Variants in GPATCH8 observed in about 807,000 individuals in gnomAD.
GPATCH8 encodes the protein G patch domain-containing protein 8.
GPATCH8 carries 18 observed loss-of-function variants against 118.3 expected under a neutral mutation model. That is an observed-to-expected ratio of 0.15 (90% CI 0.11 to 0.23). GPATCH8 has a LOEUF of 0.23. Among genes scored for constraint, GPATCH8 ranks in the 10% least tolerant of loss-of-function variants. The probability of loss-of-function intolerance (pLI) is 1.00; values close to 1 mark genes in which losing one functional copy is unlikely to be tolerated. For synonymous variants in GPATCH8, 659 were observed against 684.7 expected, an observed-to-expected ratio of 0.96 and a Z score of 0.59; for missense variants, 1,631 against 1,873.8, an observed-to-expected ratio of 0.87 and a Z score of 2.39.
At chr17:44,401,526 C>A in intron 7 of GPATCH8, 73 bp from the exon 8 acceptor site, 1 of 938,174 alleles carries the variant, frequency 1.1e-6, no homozygotes, top group Admixed American at 1.7e-5. Flanking sequence ...TTATAAAATA[C>A]TAATCTCTTA....
chr17:44,399,167 G>C lies in GPATCH8; in HGVS notation c.2910C>G (p.Ser970Arg). ...SRSSSCSRSR[S>R]KRRSRSTTAH... ...CTGTGGTGCTACGGCTTCTCCGCTT[G>C]CTTCGACTACGACTACAACTGCTGC... Residue 970 changes from serine to arginine, a missense_variant, in exon 8 of 8, where the codon AGC becomes AGG. Ser to Arg is a moderately radical substitution (Grantham distance 110). Around this residue, in one of 8 missense-constraint regions of GPATCH8, gnomAD observed 922 missense variants for 879.7 expected, o/e 1.05. Transcript: ENST00000591680. 6.2e-7 allele frequency: 1 copy of C among 1,610,424 alleles called. No homozygotes were observed. Among genetic ancestry groups the C allele is most frequent in the Non-Finnish European group, 8.5e-7 (1 of 1,176,900 alleles).
chr17:44,433,389 T>C (rs563942628), intron 5 of GPATCH8, among the ~76,000 whole-genome samples: 1 of 152,298 alleles, frequency 6.6e-6, no homozygotes, highest in Admixed American at 6.5e-5. Context: ...GGATGCAGGA[T>C]ATATACTGGC....
At chr17:44,462,512 G>C (rs1199804142) in intron 3 of GPATCH8, among the ~76,000 whole-genome samples, 2 of 152,166 alleles carry the variant, frequency 1.3e-5, no homozygotes, top group Non-Finnish European at 2.9e-5. Context: ...TTTGTAAAGA[G>C]TTCTTGTGCC....
intron 1 of GPATCH8, among the ~76,000 whole-genome samples, chr17:44,500,382 TGTTTGTTA>T (rs1969970215): frequency 6.6e-6 from 1 of 152,228 alleles, no homozygotes; most frequent in African/African-American, 2.4e-5. Context: ...GAATAGGACC[TGTTTGTTA>T]TTATAATAAA....
chr17:44,410,122 A>T (rs1171641734), intron 6 of GPATCH8, among the ~76,000 whole-genome samples: 1 of 152,194 alleles, frequency 6.6e-6, no homozygotes, highest in East Asian at 1.9e-4. Context: ...CCTAAAAAGT[A>T]ATTTTTATAA....
intron 3 of GPATCH8, among the ~76,000 whole-genome samples, chr17:44,455,268 G>A (rs539254043): frequency 2.0e-5 from 3 of 152,252 alleles, no homozygotes; most frequent in Admixed American, 6.5e-5. Context: ...GTGGGAGGCC[G>A]AGGTGGGCAG....
chr17:44,488,007 C>G (rs1395022106), intron 1 of GPATCH8, among the ~76,000 whole-genome samples: 1 of 127,672 alleles, frequency 7.8e-6, no homozygotes, highest in Non-Finnish European at 1.8e-5. Flanking sequence ...ACTGCAACCT[C>G]CGCCTCCTGG....
chr17:44,463,962 T>C (rs1005439326), intron 3 of GPATCH8, among the ~76,000 whole-genome samples: 1 of 152,204 alleles, frequency 6.6e-6, no homozygotes, highest in Non-Finnish European at 1.5e-5. Flanking sequence ...GCTTTCATTT[T>C]ATGTTTCATG....
intron 3 of GPATCH8, 47 bp downstream of exon 3, chr17:44,464,425 T>A (rs1344245018): frequency 9.3e-7 from 1 of 1,069,888 alleles, no homozygotes; most frequent in Non-Finnish European, 1.5e-6. Context: ...AAGATCTGCA[T>A]CAGAAATGGT....
At position 44,405,928 on chromosome 17, in the gene GPATCH8, CTTG is replaced by C; in HGVS notation, c.613_615del (p.Gln205del). 1 of 1,610,172 alleles carries C rather than the reference CTTG, an allele frequency of 6.2e-7. No homozygotes were observed. Among genetic ancestry groups the C allele is most frequent in the Non-Finnish European group, 8.5e-7 (1 of 1,176,402 alleles). Reference sequence around the variant, plus strand: ...GATAAAAAATATCCTCACCATTCAGCTTGTTTTCTTTGCTCTGCCAACTCATGG... The same window carrying C: ...GATAAAAAATATCCTCACCATTCAGCTTTTCTTTGCTCTGCCAACTCATGG... On this transcript the variant is annotated inframe_deletion, in exon 7 of 8. Transcript: ENST00000591680.
In GPATCH8 at chr17:44,448,482, C is replaced by T. The variant is rs1326321770; in HGVS notation, c.194-11937G>A. 3.8e-5 allele frequency among the ~76,000 whole-genome samples: 4 copies of T among 106,440 alleles called. No individual in the cohort carries two copies. The Admixed American group carries it at 6.1e-4, about 16-fold the overall frequency. The allele number at this position is 106,440 out of a possible 152,430, so 69.8% of individuals were successfully genotyped here. A position where few individuals can be genotyped will look rare whatever the true frequency, so the allele number is the denominator to read the frequency against. On this transcript the variant is annotated intron_variant, in intron 3 of 7. Coordinates refer to ENST00000591680, the MANE Select transcript of GPATCH8 (RefSeq NM_001002909.4). The stretch of plus-strand genomic sequence containing the variant: ...ACAGGATGCTGAGGTGGGAGGATCA[C>T]GTGAGCCAAAAAAAAAAAAAAGGGG...
intron 3 of GPATCH8, among the ~76,000 whole-genome samples, chr17:44,447,001 A>G (rs1375011868): frequency 2.0e-5 from 3 of 151,166 alleles, no homozygotes; most frequent in African/African-American, 7.3e-5. Context: ...TGCCCAGCTA[A>G]TTTCTTTGTG....
chr17:44,484,140 AATTT>A (rs552071366), intron 1 of GPATCH8, among the ~76,000 whole-genome samples: 2 of 149,202 alleles, frequency 1.3e-5, no homozygotes, highest in Non-Finnish European at 3.0e-5. Flanking sequence ...ATGCCAGACC[AATTT>A]ATTTATTTAT....
chr17:44,420,542 A>AT (rs2049860728), intron 6 of GPATCH8, among the ~76,000 whole-genome samples: 1 of 152,182 alleles, frequency 6.6e-6, no homozygotes, highest in African/African-American at 2.4e-5. Flanking sequence ...ACAACCAAAA[A>AT]TGTACAGAGG....
chr17:44,425,478 T>C (rs1197547523), intron 5 of GPATCH8, among the ~76,000 whole-genome samples: 1 of 152,202 alleles, frequency 6.6e-6, no homozygotes, highest in Non-Finnish European at 1.5e-5. Context: ...CACATTGTTA[T>C]TTTTGCCCTA....
At chr17:44,429,761 G>A (rs1023454173) in intron 5 of GPATCH8, among the ~76,000 whole-genome samples, 1 of 152,074 alleles carries the variant, frequency 6.6e-6, no homozygotes, top group African/African-American at 2.4e-5. Flanking sequence ...TTGCTCGGGA[G>A]GCTGAGGCAC....
At position 44,503,404 on chromosome 17, in the gene GPATCH8, T is replaced by C. The variant is rs762369295; in HGVS notation, c.-34A>G. ...CTTCACTCCTCTCAGGACGACGCTC[T>C]CCGGTTCGCTCCTTCCCTCCTGCGA... On this transcript the variant is annotated 5_prime_UTR_variant, in exon 1 of 8. Coordinates refer to ENST00000591680, the MANE Select transcript of GPATCH8 (RefSeq NM_001002909.4). 7.0e-6 allele frequency: 11 copies of C among 1,567,646 alleles called. No individual in the cohort carries two copies. Among genetic ancestry groups the C allele is most frequent in the Non-Finnish European group, 9.6e-6 (11 of 1,148,846 alleles).
intron 3 of GPATCH8, among the ~76,000 whole-genome samples, chr17:44,444,505 G>A (rs1259178077): frequency 6.6e-6 from 1 of 152,132 alleles, no homozygotes; most frequent in Non-Finnish European, 1.5e-5. Flanking sequence ...AGGCATGGTG[G>A]CTCACGGCTG....
intron 3 of GPATCH8, among the ~76,000 whole-genome samples, chr17:44,455,606 TAATA>T (rs770452524): frequency 2.6e-5 from 4 of 152,032 alleles, no homozygotes; most frequent in Non-Finnish European, 4.4e-5. Context: ...ATTTGGCACA[TAATA>T]AATATTAAGC....
Sources: allele counts gnomAD v4.1 joint callset (sites outside exome capture counted in the v4.1 genomes callset), GRCh38; gene constraint gnomAD v4.1.1; regional missense constraint gnomAD v4.1.1; transcripts MANE v1.5; gene names NCBI Gene and HGNC (gene_info 2026-07-23, HGNC 2026-07-21).